The following VTCN1 variants were observed in gnomAD, a reference collection of about 807,000 sequenced individuals.
The protein encoded by VTCN1 is V-set domain containing T cell activation inhibitor 1, also known as V-set domain-containing T-cell activation inhibitor 1.
Under a neutral mutation model 26.5 loss-of-function variants are expected in VTCN1, and 26 were observed. That is an observed-to-expected ratio of 0.98 (90% CI 0.72 to 1.36). VTCN1 has a LOEUF of 1.36. VTCN1 is among the 40% of genes most tolerant of loss of function. The pLI is 0.00. For synonymous variants in VTCN1, 116 were observed against 130.7 expected (o/e 0.89, Z 0.77); for missense variants, 298 against 337.7 (o/e 0.88, Z 0.92).
At chr1:117,187,807 TA>T (rs566396748) in intron 1 of VTCN1, among the ~76,000 whole-genome samples, 4 of 151,026 alleles carry the variant, frequency 2.6e-5, no homozygotes, top group Non-Finnish European at 5.9e-5. Context: ...ATGCAGAGTT[TA>T]AAAAGGGAAT....
Position 117,147,581 on chromosome 1 carries a change from C to A in VTCN1, c.*45+32G>T. The A allele has an allele frequency of 6.4e-7, 1 of 1,563,924 alleles. No individual in the cohort carries two copies. Among genetic ancestry groups the A allele is most frequent in the Non-Finnish European group, 8.6e-7 (1 of 1,156,446 alleles). On this transcript the variant is annotated intron_variant, in intron 5 of 5. Coordinates refer to ENST00000369458, the MANE Select transcript of VTCN1 (RefSeq NM_024626.4). The surrounding 1 kb of genome is among the most constrained non-coding windows in gnomAD (Gnocchi z 4.6). ...TTAGGAGCACAAGCACCCACAGAAC[C>A]AATATCCCACACTATTTGTGATTAA...
rs1307891589 is a variant in VTCN1 at position 117,144,123 on chromosome 1, AATGACTAATGTGAGGAAGCAGAC to A, written c.*1125_*1147del. 1 of 152,226 alleles carries A rather than the reference AATGACTAATGTGAGGAAGCAGAC, an allele frequency of 6.6e-6. No homozygotes were observed. Among genetic ancestry groups the A allele is most frequent in the Non-Finnish European group, 1.5e-5 (1 of 68,062 alleles). The allele number at this position is 152,226 out of a possible 1,614,324, so 9.4% of individuals were successfully genotyped here. A position where few individuals can be genotyped will look rare whatever the true frequency, so the allele number is the denominator to read the frequency against. Reference sequence around the variant, plus strand: ...CAAAGAGACAGAATGCTTATTTGCCAATGACTAATGTGAGGAAGCAGACAGATTTGTTGGCTCCCCTCTTTCCA... The same window carrying A: ...CAAAGAGACAGAATGCTTATTTGCCAAGATTTGTTGGCTCCCCTCTTTCCA... On this transcript the variant is annotated 3_prime_UTR_variant, in exon 6 of 6. Coordinates refer to ENST00000369458, the MANE Select transcript of VTCN1 (RefSeq NM_024626.4).
At chr1:117,209,584 A>G (rs1382018027) in intron 1 of VTCN1, among the ~76,000 whole-genome samples, 1 of 152,186 alleles carries the variant, frequency 6.6e-6, no homozygotes, top group Non-Finnish European at 1.5e-5. Context: ...AGTCACTCAC[A>G]AAATGCTAGC....
At chr1:117,207,897 C>T (rs1267360778) in intron 1 of VTCN1, among the ~76,000 whole-genome samples, 1 of 152,210 alleles carries the variant, frequency 6.6e-6, no homozygotes, top group African/African-American at 2.4e-5. Context: ...CTCTCACTCT[C>T]ATCTATGCCA....
chr1:117,205,760 T>A (rs1037524893), intron 1 of VTCN1, among the ~76,000 whole-genome samples: 1 of 152,252 alleles, frequency 6.6e-6, no homozygotes. Context: ...TTCCTGCCAT[T>A]GGCTGCCTAG....
intron 1 of VTCN1, chr1:117,173,193 G>T (rs1444768077): frequency 1.4e-6 from 1 of 716,592 alleles, no homozygotes; most frequent in Admixed American, 2.0e-5. Flanking sequence ...TCACCGCGAG[G>T]TCAGCGGCTT....
intron 1 of VTCN1, among the ~76,000 whole-genome samples, chr1:117,204,188 C>T (rs1191480142): frequency 6.6e-6 from 1 of 152,222 alleles, no homozygotes; most frequent in Non-Finnish European, 1.5e-5. Flanking sequence ...TAATTTGAGA[C>T]TAATTAACAC....
intron 1 of VTCN1, among the ~76,000 whole-genome samples, chr1:117,185,285 G>T (rs1165307203): frequency 6.6e-6 from 1 of 152,158 alleles, no homozygotes; most frequent in East Asian, 1.9e-4. Flanking sequence ...TGGGAAAAGA[G>T]GCAGGAATGA....
At position 117,155,004 on chromosome 1, in the gene VTCN1, C is replaced by G. The variant is rs1651996278; in HGVS notation, c.445+1570G>C. Among the ~76,000 whole-genome samples the G allele has an allele frequency of 6.6e-6, 1 of 152,044 alleles. No individual in the cohort carries two copies. The highest frequency in any genetic ancestry group is 1.5e-5 in the Non-Finnish European group (1 of 68,010). On this transcript the variant is annotated intron_variant, in intron 3 of 5. Transcript: ENST00000369458. The surrounding 1 kb of genome is among the most constrained non-coding windows in gnomAD (Gnocchi z 4.8). ...TAGTCTGTCATGTTTTCCCAATTTT[C>G]TGTATATTCCATGACGTTGACAGTT...
chr1:117,154,106 G>A (rs1651941346), intron 3 of VTCN1, among the ~76,000 whole-genome samples: 1 of 152,148 alleles, frequency 6.6e-6, no homozygotes, highest in African/African-American at 2.4e-5. Context: ...CTGGGACTGA[G>A]CTGGTGCTGA....
chr1:117,204,016 C>T (rs534589443), intron 1 of VTCN1, among the ~76,000 whole-genome samples: 21 of 152,216 alleles, frequency 1.4e-4, no homozygotes, highest in Middle Eastern at 3.4e-3. Flanking sequence ...GAGGATTTCC[C>T]GCACCTCACA....
chr1:117,147,830 G>GTCT lies in VTCN1; in HGVS notation c.725-51_725-49dup. ...TAGGGTCATACAGGAGAAGCTGGATGTCTTCTTCACATGACTGGTTAGCAA... is the reference window on the plus strand; with the variant it reads ...TAGGGTCATACAGGAGAAGCTGGATGTCTTCTTCTTCACATGACTGGTTAGCAA... On this transcript the variant is annotated intron_variant, in intron 4 of 5. Transcript: ENST00000369458. The surrounding 1 kb of genome is among the most constrained non-coding windows in gnomAD (Gnocchi z 4.6). 4 of 1,590,966 alleles carry GTCT rather than the reference G, an allele frequency of 2.5e-6. No homozygotes were observed. Among genetic ancestry groups the GTCT allele is most frequent in the Non-Finnish European group, 3.4e-6 (4 of 1,171,074 alleles).
chr1:117,187,920 C>T (rs1025405690), intron 1 of VTCN1, among the ~76,000 whole-genome samples: 2 of 151,954 alleles, frequency 1.3e-5, no homozygotes, highest in South Asian at 2.1e-4. Flanking sequence ...CAATCATTTC[C>T]ATAATTCTTA....
chr1:117,209,284 G>C (rs540672624), intron 1 of VTCN1, among the ~76,000 whole-genome samples: 2 of 152,262 alleles, frequency 1.3e-5, no homozygotes, highest in East Asian at 3.9e-4. Context: ...AAAGCATTAC[G>C]AGAGAGCCCA....
chr1:117,188,043 G>A (rs896756155), intron 1 of VTCN1, among the ~76,000 whole-genome samples: 1 of 152,074 alleles, frequency 6.6e-6, no homozygotes, highest in African/African-American at 2.4e-5. Flanking sequence ...TTTCTTCGGG[G>A]ATTTTTTTTT....
At chr1:117,177,702 G>A (rs1464153648) in intron 1 of VTCN1, among the ~76,000 whole-genome samples, 2 of 151,934 alleles carry the variant, frequency 1.3e-5, no homozygotes, top group African/African-American at 4.8e-5. Context: ...GCACAGTTTA[G>A]TGGATTCTTC....
At chr1:117,186,931 G>A (rs554732632) in intron 1 of VTCN1, among the ~76,000 whole-genome samples, 50 of 152,170 alleles carry the variant, frequency 3.3e-4, no homozygotes, top group East Asian at 2.7e-3. Flanking sequence ...CAGATTCAGA[G>A]GGGATTACTA....
chr1:117,151,483 G>C (rs528361201), intron 4 of VTCN1, among the ~76,000 whole-genome samples: 498 of 152,254 alleles, frequency 3.3e-3, no homozygotes, highest in Non-Finnish European at 6.2e-3. Context: ...TGCTGCTGCT[G>C]GCTCCAGTGG....
At chr1:117,158,524 G>A (rs1288776882) in intron 2 of VTCN1, among the ~76,000 whole-genome samples, 1 of 152,184 alleles carries the variant, frequency 6.6e-6, no homozygotes. Context: ...ACAGCATGGG[G>A]ACCCTGGGCC....
Sources: allele counts gnomAD v4.1 joint callset (sites outside exome capture counted in the v4.1 genomes callset), GRCh38; gene constraint gnomAD v4.1.1; non-coding constraint Gnocchi (gnomAD v3.1); transcripts MANE v1.5; gene names NCBI Gene and HGNC (gene_info 2026-07-23, HGNC 2026-07-21).